CTNNA2: variants seen among roughly 807,000 people sequenced by gnomAD.
CTNNA2 encodes catenin alpha-2.
In CTNNA2, 42 loss-of-function variants were observed where a neutral mutation model predicts 101.0. The observed-to-expected ratio is 0.42, with a 90% confidence interval of 0.32 to 0.54. The LOEUF (loss-of-function observed/expected upper bound fraction) is 0.54, where lower values mean the gene tolerates loss of function less well. Among genes scored for constraint, CTNNA2 ranks in the 20% least tolerant of loss-of-function variants. The pLI, the probability that CTNNA2 is intolerant of heterozygous loss-of-function variation, is 0.14. For missense variants in CTNNA2, 871 were observed against 1,223.1 expected (o/e 0.71, Z 4.29); for synonymous variants, 450 against 456.4 (o/e 0.99, Z 0.18).
chr2:79,729,657 T>G (rs1259700971), intron 2 of CTNNA2, among the ~76,000 whole-genome samples: 1 of 152,160 alleles, frequency 6.6e-6, no homozygotes, highest in Non-Finnish European at 1.5e-5. Context: ...CAAGCATAAT[T>G]GCAACCTGTT....
At chr2:80,115,697 G>T (rs1314013486) in intron 7 of CTNNA2, among the ~76,000 whole-genome samples, 1 of 152,162 alleles carries the variant, frequency 6.6e-6, no homozygotes, top group Admixed American at 6.5e-5. Flanking sequence ...TGTGTCCTGG[G>T]TACGGTGCTA....
chr2:79,533,796 G>GCAAA (rs113575760), intron 1 of CTNNA2, among the ~76,000 whole-genome samples: 34,105 of 151,870 alleles, frequency 0.22, 4,039 homozygotes, highest in Middle Eastern at 0.35. Flanking sequence ...CATTAAACAG[G>GCAAA]CAAACAAATA....
intron 7 of CTNNA2, among the ~76,000 whole-genome samples, chr2:80,384,125 T>C (rs1676773507): frequency 6.6e-6 from 1 of 151,920 alleles, no homozygotes; most frequent in African/African-American, 2.4e-5. Flanking sequence ...CATGAACACA[T>C]GGACACAAAG....
chr2:79,492,445 A>G (rs1160130475), intron 4 of CTNNA2, among the ~76,000 whole-genome samples: 1 of 152,020 alleles, frequency 6.6e-6, no homozygotes, highest in Non-Finnish European at 1.5e-5. Flanking sequence ...TATAGAATGT[A>G]TAATTATGTT....
At chr2:80,217,260 A>G (rs974843343) in intron 7 of CTNNA2, among the ~76,000 whole-genome samples, 1 of 152,132 alleles carries the variant, frequency 6.6e-6, no homozygotes, top group African/African-American at 2.4e-5. Flanking sequence ...AGCTTAAATT[A>G]TGGACTTCAG....
At chr2:80,482,689 A>C (rs1490060133) in intron 9 of CTNNA2, among the ~76,000 whole-genome samples, 1 of 152,318 alleles carries the variant, frequency 6.6e-6, no homozygotes, top group Admixed American at 6.5e-5. Context: ...TTGATTCCAC[A>C]GTGTCAATCT....
At chr2:79,825,597 T>G (rs1678375230) in intron 3 of CTNNA2, among the ~76,000 whole-genome samples, 1 of 151,998 alleles carries the variant, frequency 6.6e-6, no homozygotes, top group Non-Finnish European at 1.5e-5. Context: ...GGAATGCAGA[T>G]TTCAGTTTGA....
chr2:80,421,107 G>A (rs748733230), intron 9 of CTNNA2, among the ~76,000 whole-genome samples: 2 of 152,110 alleles, frequency 1.3e-5, no homozygotes, highest in Non-Finnish European at 2.9e-5. Context: ...AGGGGAAGGC[G>A]GAGAAGGAGG....
intron 7 of CTNNA2, among the ~76,000 whole-genome samples, chr2:80,022,910 C>T (rs28603238): frequency 0.054 from 8,234 of 152,156 alleles, 642 homozygotes; most frequent in African/African-American, 0.17. Flanking sequence ...ATCTGGGGTC[C>T]GTTGGGAGCT....
intron 4 of CTNNA2, among the ~76,000 whole-genome samples, chr2:79,489,894 G>T (rs1226795592): frequency 3.3e-5 from 5 of 152,142 alleles, no homozygotes; most frequent in Non-Finnish European, 7.3e-5. Flanking sequence ...AAGACCTCCT[G>T]CTTCTAGGTC....
At chr2:79,432,249 A>C (rs770564169) in intron 4 of CTNNA2, among the ~76,000 whole-genome samples, 1 of 152,164 alleles carries the variant, frequency 6.6e-6, no homozygotes, top group African/African-American at 2.4e-5. Flanking sequence ...CCACAACTAC[A>C]GTACAGTATG....
At chr2:79,894,337 C>G (rs1361412038) in intron 6 of CTNNA2, among the ~76,000 whole-genome samples, 1 of 151,772 alleles carries the variant, frequency 6.6e-6, no homozygotes, top group African/African-American at 2.4e-5. Context: ...GCCCCCCGCC[C>G]CACCAACTCC....
chr2:79,407,746 G>A (rs1402297215), intron 4 of CTNNA2, among the ~76,000 whole-genome samples: 3 of 151,814 alleles, frequency 2.0e-5, no homozygotes, highest in Admixed American at 6.6e-5. Context: ...AGCTTTCCAC[G>A]GAGAAAACAC....
intron 7 of CTNNA2, among the ~76,000 whole-genome samples, chr2:79,920,200 A>G (rs904144625): frequency 6.6e-6 from 1 of 152,208 alleles, no homozygotes; most frequent in African/African-American, 2.4e-5. Flanking sequence ...CTAGGCAATG[A>G]GAGTGAAACT....
At chr2:80,383,380 T>G (rs1029308984) in intron 7 of CTNNA2, among the ~76,000 whole-genome samples, 9 of 152,180 alleles carry the variant, frequency 5.9e-5, no homozygotes, top group African/African-American at 2.2e-4. Context: ...AACAAGCATT[T>G]CCTGACCATG....
intron 7 of CTNNA2, among the ~76,000 whole-genome samples, chr2:79,975,048 A>C (rs2104584483): frequency 6.6e-6 from 1 of 152,302 alleles, no homozygotes; most frequent in South Asian, 2.1e-4. Context: ...ACGGTGAATG[A>C]GGAGGAGGCT....
At chr2:79,476,148 T>C (rs1341733318) in intron 4 of CTNNA2, among the ~76,000 whole-genome samples, 1 of 152,178 alleles carries the variant, frequency 6.6e-6, no homozygotes, top group Non-Finnish European at 1.5e-5. Flanking sequence ...GCAAGTGTGA[T>C]TTGAAAACAC....
chr2:79,920,677 A>G (rs374377059), intron 7 of CTNNA2, among the ~76,000 whole-genome samples: 1 of 152,180 alleles, frequency 6.6e-6, no homozygotes, highest in African/African-American at 2.4e-5. Context: ...AAGGTTAACT[A>G]TGCTTGGCTT....
intron 14 of CTNNA2, among the ~76,000 whole-genome samples, chr2:80,588,084 A>G (rs894950973): frequency 6.6e-6 from 1 of 152,240 alleles, no homozygotes; most frequent in Non-Finnish European, 1.5e-5. Context: ...CTGATCAATA[A>G]GTAACTATGT....
Sources: allele counts gnomAD v4.1 joint callset (sites outside exome capture counted in the v4.1 genomes callset), GRCh38; gene constraint gnomAD v4.1.1; transcripts MANE v1.5; gene names NCBI Gene and HGNC (gene_info 2026-07-23, HGNC 2026-07-21).